Variants in HDAC6 observed in about 807,000 individuals in gnomAD.
The protein encoded by HDAC6 is histone deacetylase 6, also known as protein deacetylase HDAC6.
Under a neutral mutation model 88.9 loss-of-function variants are expected in HDAC6, and 5 were observed. The ratio of observed to expected loss-of-function variants is 0.06; its 90% CI spans 0.03 to 0.12. The LOEUF (loss-of-function observed/expected upper bound fraction) is 0.12, where lower values mean the gene tolerates loss of function less well. HDAC6 is among the 10% of genes least tolerant of loss of function. HDAC6 has a pLI of 1.00. For missense variants in HDAC6, 706 were observed against 1,014.4 expected (o/e 0.70, Z 4.13); for synonymous variants, 378 against 398.0 (o/e 0.95, Z 0.60).
intron 1 of HDAC6, chrX:48,802,427 A>G: frequency 1.0e-6 from 1 of 970,353 alleles, no homozygotes; most frequent in Non-Finnish European, 1.3e-6. Context: ...AAGACCAGGG[A>G]AAGAGAATCG....
chrX:48,822,623 G>A lies in HDAC6; in HGVS notation c.2341G>A (p.Gly781Ser). 1 of 1,170,283 alleles carries A rather than the reference G, an allele frequency of 8.5e-7. No individual in the cohort carries two copies. Among genetic ancestry groups the A allele is most frequent in the Non-Finnish European group, 1.1e-6 (1 of 872,349 alleles). The change falls in exon 24 of 29, where the codon GGC (glycine) becomes AGC (serine). Residue 781 changes from glycine (G) to serine (S), a missense_variant. Around this residue, in one of 9 missense-constraint regions of HDAC6, gnomAD observed 138 missense variants for 303.5 expected, o/e 0.45. Transcript: ENST00000334136. ...CCTCCCCTTTTCCTTAACAAAGGGT[G>A]GCTATAACCTGACATCCATCTCAGA... ...SGRIILILEG[G>S]YNLTSISESM... is the part of the protein sequence containing the mutation.
rs782608619 is a variant in HDAC6, at chrX:48,818,422, A to G, written c.2187+10A>G. ...TCCCATTGCCTACGAGGTACAGCTC[A>G]GGATAGATCGCAGGACGTATGTGAC... On this transcript the variant is annotated intron_variant, in intron 22 of 28. Coordinates refer to ENST00000334136, the MANE Select transcript of HDAC6 (RefSeq NM_006044.4). 7 of 1,145,548 alleles carry G rather than the reference A, an allele frequency of 6.1e-6. No individual in the cohort carries two copies. The highest frequency in any genetic ancestry group is 7.0e-6 in the Non-Finnish European group (6 of 860,004). The allele number at this position is 1,145,548 out of a possible 1,213,427, so 94.4% of individuals were successfully genotyped here. A position where few individuals can be genotyped will look rare whatever the true frequency, so the allele number is the denominator to read the frequency against.
At position 48,817,406 on chromosome X, in the gene HDAC6, C is replaced by T; in HGVS notation, c.1872C>T (p.Asn624=). The T allele has an allele frequency of 1.7e-6, 2 of 1,210,768 alleles. No homozygotes were observed. Among genetic ancestry groups the T allele is most frequent in the Non-Finnish European group, 2.2e-6 (2 of 895,131 alleles). Residue 624 remains asparagine (N), a synonymous_variant, in exon 20 of 29, where the codon AAC becomes AAT. Coordinates refer to ENST00000334136, the MANE Select transcript of HDAC6 (RefSeq NM_006044.4). Reference sequence around the variant, plus strand: ...CAGCTTGCGGTTTTTGCTTTTTCAACTCTGTGGCTGTGGCTGCTCGCCATG... The same window carrying T: ...CAGCTTGCGGTTTTTGCTTTTTCAATTCTGTGGCTGTGGCTGCTCGCCATG... ...QDAACGFCFF[N]SVAVAARHAQ...
chrX:48,819,062 T>A (rs1175568349), intron 22 of HDAC6, among the ~76,000 whole-genome samples: 1 of 112,450 alleles, frequency 8.9e-6, no homozygotes, highest in Non-Finnish European at 1.9e-5. Flanking sequence ...CATCTTTGGA[T>A]CTGCATGTGC....
In HDAC6 at chrX:48,815,943, G is replaced by A; in HGVS notation, c.1384G>A (p.Gly462Arg). Reference sequence around the variant, plus strand: ...CAATGTAGAGGAGAGCGAGGAGGAAGGACCCTGGGAGCCCCCTGTGCTCCC... The same window carrying A: ...CAATGTAGAGGAGAGCGAGGAGGAAAGACCCTGGGAGCCCCCTGTGCTCCC... ...EDNVEESEEE[G>R]PWEPPVLPIL... The change falls in exon 17 of 29, where the codon GGA becomes AGA. Residue 462 changes from glycine (G) to arginine (R), a missense_variant. Gly to Arg is a moderately radical substitution (Grantham distance 125). Transcript: ENST00000334136. The A allele has an allele frequency of 1.7e-6, 2 of 1,210,920 alleles. No individual in the cohort carries two copies. Among genetic ancestry groups the A allele is most frequent in the Non-Finnish European group, 2.2e-6 (2 of 894,794 alleles).
intron 20 of HDAC6, chrX:48,817,669 G>A: frequency 4.7e-6 from 2 of 422,920 alleles, no homozygotes; most frequent in East Asian, 3.9e-5. Context: ...TGTTACCTGG[G>A]CACTTACAAA....
upstream of HDAC6, chrX:48,801,860 T>C: frequency 2.1e-6 from 2 of 971,759 alleles, no homozygotes; most frequent in South Asian, 4.0e-5. Flanking sequence ...GCCTGAGCGC[T>C]CGCGTCCCCA....
chrX:48,802,874 C>G lies in HDAC6; in HGVS notation c.97C>G (p.Arg33Gly). 4 of 1,207,960 alleles carry G rather than the reference C, an allele frequency of 3.3e-6. No homozygotes were observed. Among genetic ancestry groups the G allele is most frequent in the Non-Finnish European group, 4.5e-6 (4 of 893,550 alleles). The change falls in exon 3 of 29, where the codon CGA becomes GGA. Residue 33 changes from arginine (R) to glycine (G), a missense_variant. This residue lies in a region of HDAC6 where 193 missense variants were observed against 258.2 expected (regional missense o/e 0.75). Coordinates refer to ENST00000334136, the MANE Select transcript of HDAC6 (RefSeq NM_006044.4). ...GACCCTTCTCTCTGATTCACAGAAG[C>G]GAAATATTAAAAAGGGAGCCGTTCC... ...PPQDSSVTSK[R>G]NIKKGAVPRS...
At position 48,815,597 on chromosome X, in the gene HDAC6, G is replaced by A; in HGVS notation, c.1279G>A (p.Ala427Thr). 8.3e-7 allele frequency: 1 copy of A among 1,211,159 alleles called. No homozygotes were observed. The highest frequency in any genetic ancestry group is 3.0e-5 in the East Asian group (1 of 33,835). ...CAGTGCCCAGGCTTCAGTTTCCTGT[G>A]CTCTGGAAGCCCTTGAGCCCTTCTG... is the stretch of plus-strand genomic sequence containing the variant. ...CRSAQASVSCALEALEPFWEV... is the reference protein window; with the variant it reads ...CRSAQASVSCTLEALEPFWEV... The change falls in exon 16 of 29, where the codon GCT becomes ACT. Residue 427 changes from alanine to threonine, a missense_variant. Transcript: ENST00000334136.
chrX:48,817,779 A>G (rs2063012702), intron 20 of HDAC6: 1 of 424,271 alleles, frequency 2.4e-6, no homozygotes, highest in Non-Finnish European at 4.1e-6. Context: ...AGACCCACGA[A>G]CCAGCCCCCA....
chrX:48,815,922 G>A lies in HDAC6; in HGVS notation c.1363G>A (p.Val455Ile). 8.3e-7 allele frequency: 1 copy of A among 1,211,270 alleles called. No individual in the cohort carries two copies. Among genetic ancestry groups the A allele is most frequent in the Non-Finnish European group, 1.1e-6 (1 of 895,179 alleles). Residue 455 changes from valine (V) to isoleucine (I), a missense_variant, in exon 17 of 29, where the codon GTA (valine) becomes ATA (isoleucine). Coordinates refer to ENST00000334136, the MANE Select transcript of HDAC6 (RefSeq NM_006044.4). ...VERDNMEEDN[V>I]EESEEEGPWE... ...GAGGGACAACATGGAGGAGGACAAT[G>A]TAGAGGAGAGCGAGGAGGAAGGACC... is the stretch of plus-strand genomic sequence containing the variant.
chrX:48,815,890 C>T lies in HDAC6; in HGVS notation c.1331C>T (p.Thr444Ile). 2 of 1,209,677 alleles carry T rather than the reference C, an allele frequency of 1.7e-6. No individual in the cohort carries two copies. Among genetic ancestry groups the T allele is most frequent in the Non-Finnish European group, 2.2e-6 (2 of 894,453 alleles). Residue 444 changes from threonine (T) to isoleucine (I), a missense_variant, in exon 17 of 29, where the codon ACC becomes ATC. This residue lies in a region of HDAC6 where 106 missense variants were observed against 135.1 expected (regional missense o/e 0.78). Transcript: ENST00000334136. ...CGTGGCCTCCCCCTTTTAGCTGAGA[C>T]CGTGGAGAGGGACAACATGGAGGAG... is the stretch of plus-strand genomic sequence containing the variant. ...FWEVLVRSTE[T>I]VERDNMEEDN...
chrX:48,809,662 C>T (rs372435098), intron 10 of HDAC6, among the ~76,000 whole-genome samples: 2 of 110,198 alleles, frequency 1.8e-5, no homozygotes, highest in South Asian at 3.9e-4. Flanking sequence ...ATTAGCCAGG[C>T]GTGGTGGCAC....
intron 23 of HDAC6, among the ~76,000 whole-genome samples, chrX:48,822,246 T>C (rs1391273305): frequency 1.8e-5 from 2 of 111,537 alleles, no homozygotes; most frequent in African/African-American, 6.5e-5. Context: ...TGAAGACGGA[T>C]TTCTGTATGG....
At chrX:48,822,206 T>C (rs2063094868) in intron 23 of HDAC6, among the ~76,000 whole-genome samples, 1 of 111,405 alleles carries the variant, frequency 9.0e-6, no homozygotes, top group African/African-American at 3.3e-5. Flanking sequence ...GGTTACTGTA[T>C]GATGTGAGGC....
At position 48,806,364 on chromosome X, in the gene HDAC6, C is replaced by G; in HGVS notation, c.438-4C>G. ...CCTGAATCTCATCTCCCATCTGTGT[C>G]TAGCCTAGAATATATTGATCTGATG... is the stretch of plus-strand genomic sequence containing the variant. On this transcript the variant is annotated splice_polypyrimidine_tract_variant and splice_region_variant and intron_variant, in intron 6 of 28. Transcript: ENST00000334136. The G allele has an allele frequency of 2.6e-6, 3 of 1,148,857 alleles. No homozygotes were observed. Among genetic ancestry groups the G allele is most frequent in the Non-Finnish European group, 3.6e-6 (3 of 838,214 alleles). 94.7% of individuals were successfully genotyped at this position (1,148,857 alleles called of 1,213,427 possible).
At chrX:48,818,619 T>TAGAAGGCACACAGAGAA (rs2063030317) in intron 22 of HDAC6, among the ~76,000 whole-genome samples, 1 of 112,439 alleles carries the variant, frequency 8.9e-6, no homozygotes, top group Non-Finnish European at 1.9e-5. Context: ...GACTGCCTTC[T>TAGAAGGCACACAGAGAA]CTGTGTGACA....
At chrX:48,819,701 G>A (rs2063048969) in intron 22 of HDAC6, 4 of 252,200 alleles carry the variant, frequency 1.6e-5, no homozygotes, top group South Asian at 3.9e-5. Context: ...CCGCCACCAC[G>A]TCTGGCTAAT....
intron 10 of HDAC6, among the ~76,000 whole-genome samples, chrX:48,813,028 C>A (rs1243560847): frequency 1.8e-5 from 2 of 111,943 alleles, no homozygotes; most frequent in Non-Finnish European, 3.8e-5. Context: ...CTACCTCCAC[C>A]TCCCAAGTAG....
Sources: allele counts gnomAD v4.1 joint callset (sites outside exome capture counted in the v4.1 genomes callset), GRCh38; gene constraint gnomAD v4.1.1; regional missense constraint gnomAD v4.1.1; transcripts MANE v1.5; gene names NCBI Gene and HGNC (gene_info 2026-07-23, HGNC 2026-07-21).